CTNNA2: variants seen among roughly 807,000 people sequenced by gnomAD.
CTNNA2 encodes the protein catenin alpha 2.
Under a neutral mutation model 101.0 loss-of-function variants are expected in CTNNA2, and 42 were observed. The ratio of observed to expected loss-of-function variants is 0.42; its 90% CI spans 0.32 to 0.54. The LOEUF is 0.54. CTNNA2 is among the 20% of genes least tolerant of loss of function. The probability of loss-of-function intolerance (pLI) is 0.14; values close to 1 mark genes in which losing one functional copy is unlikely to be tolerated. For synonymous variants in CTNNA2, 450 were observed against 456.4 expected, an observed-to-expected ratio of 0.99 and a Z score of 0.18; for missense variants, 871 against 1,223.1, an observed-to-expected ratio of 0.71 and a Z score of 4.29.
At chr2:79,921,360 C>T (rs943424867) in intron 7 of CTNNA2, among the ~76,000 whole-genome samples, 2 of 152,080 alleles carry the variant, frequency 1.3e-5, no homozygotes, top group Admixed American at 6.5e-5. Flanking sequence ...AAATATCTTT[C>T]GGGAAGCCTT....
intron 7 of CTNNA2, among the ~76,000 whole-genome samples, chr2:79,953,585 G>A (rs1689027994): frequency 6.6e-6 from 1 of 152,210 alleles, no homozygotes; most frequent in Non-Finnish European, 1.5e-5. Flanking sequence ...CACTGGTGAA[G>A]TACGACTGAC....
chr2:79,238,117 TG>T (rs1674580037), intron 2 of CTNNA2, among the ~76,000 whole-genome samples: 1 of 152,212 alleles, frequency 6.6e-6, no homozygotes, highest in Non-Finnish European at 1.5e-5. Context: ...TGATTTAAAG[TG>T]AGAAATCTGT....
chr2:80,285,572 A>T (rs554093785), intron 7 of CTNNA2, among the ~76,000 whole-genome samples: 129 of 152,248 alleles, frequency 8.5e-4, no homozygotes, highest in Non-Finnish European at 1.3e-3. Flanking sequence ...CAAGGGTCAT[A>T]GTCTGGGGAC....
rs564410249 is a variant in CTNNA2, at chr2:80,302,583, G to T, written c.1057-90628G>T. On this transcript the variant is annotated intron_variant, in intron 7 of 18. Transcript: ENST00000402739. This position sits in a 1 kb window ranked among gnomAD's most constrained non-coding sequence, Gnocchi z 6.4. ...TTCTCGGCGTGCTCGCCGCCTGGAA[G>T]AGCCACGGTGGCAGGCTCGAATGTG... 6.2e-7 allele frequency: 1 copy of T among 1,607,250 alleles called. No homozygotes were observed. Among genetic ancestry groups the T allele is most frequent in the African/African-American group, 1.3e-5 (1 of 75,048 alleles).
chr2:79,204,567 T>C (rs2104187422), intron 2 of CTNNA2, among the ~76,000 whole-genome samples: 1 of 152,358 alleles, frequency 6.6e-6, no homozygotes, highest in Admixed American at 6.5e-5. Flanking sequence ...TTAAAATATG[T>C]CCATAATTCT....
At chr2:79,896,467 C>T (rs543155802) in intron 6 of CTNNA2, among the ~76,000 whole-genome samples, 1 of 152,166 alleles carries the variant, frequency 6.6e-6, no homozygotes, top group Non-Finnish European at 1.5e-5. Context: ...ACTGTAGTGA[C>T]CTATTTTGCT....
chr2:79,811,289 C>T (rs963115889), intron 3 of CTNNA2, among the ~76,000 whole-genome samples: 1 of 152,168 alleles, frequency 6.6e-6, no homozygotes, highest in Non-Finnish European at 1.5e-5. Flanking sequence ...TGATGATGAG[C>T]ATTTTTTCAT....
At chr2:79,753,409 AAC>A (rs145502293) in intron 3 of CTNNA2, among the ~76,000 whole-genome samples, 3,660 of 152,340 alleles carry the variant, frequency 0.024, 49 homozygotes, top group Non-Finnish European at 0.034. Context: ...TTAATGGTGT[AAC>A]ACAGCATTGG....
At chr2:79,326,464 G>C (rs184288794) in intron 3 of CTNNA2, among the ~76,000 whole-genome samples, 542 of 152,078 alleles carry the variant, frequency 3.6e-3, no homozygotes, top group Middle Eastern at 6.8e-3. Context: ...ATACAACCTA[G>C]GTTTTTTTTA....
At chr2:79,461,967 T>A (rs1670884004) in intron 4 of CTNNA2, among the ~76,000 whole-genome samples, 1 of 151,854 alleles carries the variant, frequency 6.6e-6, no homozygotes, top group African/African-American at 2.4e-5. Flanking sequence ...AGAGAAAATG[T>A]TGAGGTGATG....
chr2:79,766,455 C>A (rs1673164003), intron 3 of CTNNA2, among the ~76,000 whole-genome samples: 1 of 152,110 alleles, frequency 6.6e-6, no homozygotes, highest in African/African-American at 2.4e-5. Flanking sequence ...TTTTAGTATC[C>A]TTTCTTTATC....
chr2:80,570,599 G>C (rs181716348), intron 12 of CTNNA2, among the ~76,000 whole-genome samples: 2 of 152,252 alleles, frequency 1.3e-5, no homozygotes, highest in Admixed American at 6.5e-5. Context: ...ATGAGTTCGA[G>C]TTTTATGTTT....
At chr2:80,135,988 G>C (rs73940960) in intron 7 of CTNNA2, among the ~76,000 whole-genome samples, 4,608 of 152,214 alleles carry the variant, frequency 0.03, 231 homozygotes, top group African/African-American at 0.1. Flanking sequence ...TTTTGAAGTA[G>C]AGCGATCTGG....
At chr2:80,495,565 A>G (rs2149524048) in intron 9 of CTNNA2, among the ~76,000 whole-genome samples, 1 of 152,310 alleles carries the variant, frequency 6.6e-6, no homozygotes, top group East Asian at 1.9e-4. Flanking sequence ...AAATAGGGTC[A>G]TTGGAGATGT....
At chr2:79,946,848 C>G (rs1688528113) in intron 7 of CTNNA2, among the ~76,000 whole-genome samples, 1 of 152,186 alleles carries the variant, frequency 6.6e-6, no homozygotes, top group African/African-American at 2.4e-5. Context: ...GCCAAAGCTT[C>G]TGTTGTTCTG....
chr2:80,160,054 T>C (rs1244392918), intron 7 of CTNNA2, among the ~76,000 whole-genome samples: 4 of 152,240 alleles, frequency 2.6e-5, no homozygotes. Context: ...GAGAACCAAT[T>C]GCTCTAGCAC....
intron 7 of CTNNA2, among the ~76,000 whole-genome samples, chr2:79,919,655 T>C (rs1686517399): frequency 6.6e-6 from 1 of 152,206 alleles, no homozygotes; most frequent in South Asian, 2.1e-4. Flanking sequence ...AGCAGCAGGC[T>C]GCACTCCACC....
At chr2:79,701,647 G>A (rs1008664944) in intron 2 of CTNNA2, among the ~76,000 whole-genome samples, 1 of 152,190 alleles carries the variant, frequency 6.6e-6, no homozygotes, top group African/African-American at 2.4e-5. Context: ...TCATGAGGGA[G>A]ACCGGAAGGC....
chr2:80,175,422 G>T (rs183144339), intron 7 of CTNNA2, among the ~76,000 whole-genome samples: 1 of 152,102 alleles, frequency 6.6e-6, no homozygotes, highest in East Asian at 1.9e-4. Context: ...TCAGTGTCTA[G>T]CCCAATGCCT....
Sources: gnomAD v4.1 joint callset for allele counts (sites outside exome capture counted in the v4.1 genomes callset) on GRCh38, gnomAD v4.1.1 for gene constraint, Gnocchi (gnomAD v3.1) non-coding constraint, MANE v1.5 for transcripts, NCBI Gene and HGNC (gene_info 2026-07-23, HGNC 2026-07-21) for gene names.